OR9Q1: variants seen among roughly 807,000 people sequenced by gnomAD.
OR9Q1 encodes the protein olfactory receptor 9Q1.
For missense variants in OR9Q1, 374 were observed against 378.8 expected (o/e 0.99, Z 0.11); for synonymous variants, 153 against 148.6 (o/e 1.03, Z -0.22).
chr11:58,109,636 A>C (rs1853880151), intron 2 of OR9Q1: 1 of 456,388 alleles, frequency 2.2e-6, no homozygotes, highest in Non-Finnish European at 4.4e-6. Flanking sequence ...GAACTCTGTC[A>C]CAGTGCTGAG....
chr11:58,055,262 A>C (rs1853316233), intron 1 of OR9Q1, among the ~76,000 whole-genome samples: 1 of 152,108 alleles, frequency 6.6e-6, no homozygotes, highest in Non-Finnish European at 1.5e-5. Context: ...AACACTAAAA[A>C]GGTGTTTACT....
intron 2 of OR9Q1, chr11:58,057,681 AC>A (rs1229594084): frequency 6.6e-6 from 1 of 152,166 alleles, no homozygotes; most frequent in African/African-American, 2.4e-5. Context: ...GCATGTAGTG[AC>A]CTGGATGGCA....
chr11:58,061,080 T>C (rs1026539748), intron 2 of OR9Q1, among the ~76,000 whole-genome samples: 3 of 152,194 alleles, frequency 2.0e-5, no homozygotes, highest in African/African-American at 7.2e-5. Flanking sequence ...TGAATGCCTG[T>C]TCTTTTCTCT....
At chr11:58,081,391 A>T (rs2120041927) in intron 2 of OR9Q1, among the ~76,000 whole-genome samples, 1 of 152,292 alleles carries the variant, frequency 6.6e-6, no homozygotes, top group South Asian at 2.1e-4. Context: ...AGGAATCGCC[A>T]CACTGTCTTC....
intron 1 of OR9Q1, among the ~76,000 whole-genome samples, chr11:58,032,809 A>G (rs1000746917): frequency 6.6e-6 from 1 of 152,242 alleles, no homozygotes; most frequent in Non-Finnish European, 1.5e-5. Flanking sequence ...AACTGTTGAC[A>G]TGACAAACAG....
At chr11:58,085,566 C>T (rs546390272) in intron 2 of OR9Q1, among the ~76,000 whole-genome samples, 10 of 151,702 alleles carry the variant, frequency 6.6e-5, no homozygotes, top group Admixed American at 6.6e-4. Context: ...TTCCTCTCCC[C>T]CAAAACCTGG....
intron 2 of OR9Q1, chr11:58,059,941 C>T (rs1465771443): frequency 6.6e-6 from 1 of 152,142 alleles, no homozygotes; most frequent in Non-Finnish European, 1.5e-5. Flanking sequence ...TTGACACACT[C>T]TCCAGGCTTC....
At chr11:58,066,694 A>G (rs79743400) in intron 2 of OR9Q1, among the ~76,000 whole-genome samples, 5,278 of 152,222 alleles carry the variant, frequency 0.035, 102 homozygotes, top group East Asian at 0.059. Context: ...AGGAGTGGGA[A>G]GGATGCCCTT....
chr11:58,033,743 C>T (rs1377150777), intron 1 of OR9Q1, among the ~76,000 whole-genome samples: 1 of 151,982 alleles, frequency 6.6e-6, no homozygotes, highest in East Asian at 1.9e-4. Flanking sequence ...CATGTACCCC[C>T]TGAATCTAAA....
rs1854661951 is a variant in OR9Q1, at chr11:58,181,161, G to A, written c.*784G>A. 6.0e-6 allele frequency: 1 copy of A among 166,942 alleles called. No homozygotes were observed. The highest frequency in any genetic ancestry group is 2.4e-5 in the African/African-American group (1 of 41,412). 10.3% of individuals were successfully genotyped at this position (166,942 alleles called of 1,614,324 possible). On this transcript the variant is annotated 3_prime_UTR_variant, in exon 3 of 3. Coordinates refer to ENST00000335397, the MANE Select transcript of OR9Q1 (RefSeq NM_001005212.4). Reference sequence around the variant, plus strand: ...GTTCTTTTTCTTCCTACCTATTACAGTTCTCTCTCGTCATATGGCATGACT... The same window carrying A: ...GTTCTTTTTCTTCCTACCTATTACAATTCTCTCTCGTCATATGGCATGACT...
At chr11:58,122,440 C>T (rs567401474) in intron 2 of OR9Q1, among the ~76,000 whole-genome samples, 3 of 152,280 alleles carry the variant, frequency 2.0e-5, no homozygotes. Context: ...ATGGACTTCG[C>T]TTTCTATTCT....
intron 2 of OR9Q1, among the ~76,000 whole-genome samples, chr11:58,157,175 A>G (rs941331347): frequency 2.0e-5 from 3 of 152,082 alleles, no homozygotes; most frequent in Non-Finnish European, 4.4e-5. Flanking sequence ...ATACCTGAGT[A>G]TGGCTAATTC....
chr11:58,159,881 T>C (rs1854441885), intron 2 of OR9Q1, among the ~76,000 whole-genome samples: 2 of 152,234 alleles, frequency 1.3e-5, no homozygotes, highest in Admixed American at 1.3e-4. Flanking sequence ...TGCAATAAGA[T>C]ATTGATAGAT....
chr11:58,061,618 C>T (rs1463655027), intron 2 of OR9Q1, among the ~76,000 whole-genome samples: 1 of 152,222 alleles, frequency 6.6e-6, no homozygotes. Context: ...CAGCCCACCT[C>T]TGTCCAGTGA....
intron 2 of OR9Q1, among the ~76,000 whole-genome samples, chr11:58,095,587 G>A (rs1289040530): frequency 6.6e-6 from 1 of 152,132 alleles, no homozygotes; most frequent in African/African-American, 2.4e-5. Context: ...TATGGCAGCA[G>A]GAGAGAGAGT....
At chr11:58,146,569 A>G (rs1463366906) in intron 2 of OR9Q1, among the ~76,000 whole-genome samples, 1 of 152,184 alleles carries the variant, frequency 6.6e-6, no homozygotes, top group Non-Finnish European at 1.5e-5. Context: ...ATAGATAATC[A>G]ACCATTGCAC....
rs537524826 is a variant in OR9Q1 at position 58,090,775 on chromosome 11, G to A, written c.-15+34828G>A. Among the ~76,000 whole-genome samples, 16 of 152,104 alleles carry A rather than the reference G, an allele frequency of 1.1e-4. 1 individual carries two copies. The highest frequency in any genetic ancestry group is 2.9e-4 in the African/African-American group (12 of 41,544). ...TGGTTGTGAATCCATCTGGTCCTGGGCATTTTTTCGTTGGTAGGCTATTAA... is the reference window on the plus strand; with the variant it reads ...TGGTTGTGAATCCATCTGGTCCTGGACATTTTTTCGTTGGTAGGCTATTAA... On this transcript the variant is annotated intron_variant, in intron 2 of 2. Coordinates refer to ENST00000335397, the MANE Select transcript of OR9Q1 (RefSeq NM_001005212.4).
In OR9Q1 at chr11:58,179,792, C is replaced by G. The variant is rs11229273; in HGVS notation, c.348C>G (p.Ala116=). The G allele has an allele frequency of 0.3, 479,806 of 1,613,924 alleles. 77,430 individuals carry two copies. Among genetic ancestry groups the G allele is most frequent in the East Asian group, 0.57 (25,365 of 44,824 alleles). ...FFGSIDCYLL[A]LMAYDRYLAV... is the part of the protein sequence containing the mutation. ...GTTCCATCGACTGCTACCTCTTGGC[C>G]CTCATGGCCTATGACCGCTACTTGG... Residue 116 remains alanine, a synonymous_variant, in exon 3 of 3, where the codon GCC becomes GCG. Coordinates refer to ENST00000335397, the MANE Select transcript of OR9Q1 (RefSeq NM_001005212.4).
intron 2 of OR9Q1, among the ~76,000 whole-genome samples, chr11:58,142,136 C>T (rs1228765529): frequency 1.3e-5 from 2 of 152,134 alleles, no homozygotes; most frequent in Non-Finnish European, 2.9e-5. Flanking sequence ...ATATCCTTAT[C>T]CTTACTTTGA....
Sources: gnomAD v4.1 joint callset for allele counts (sites outside exome capture counted in the v4.1 genomes callset) on GRCh38, gnomAD v4.1.1 for gene constraint, MANE v1.5 for transcripts, NCBI Gene and HGNC (gene_info 2026-07-23, HGNC 2026-07-21) for gene names.